PCDHGB7: variants seen among roughly 807,000 people sequenced by gnomAD.
PCDHGB7 encodes the protein protocadherin gamma-B7.
Under a neutral mutation model 61.4 loss-of-function variants are expected in PCDHGB7, and 37 were observed. The ratio of observed to expected loss-of-function variants is 0.60; its 90% CI spans 0.46 to 0.79. The LOEUF is 0.79. Among genes scored for constraint, PCDHGB7 ranks in the 30% least tolerant of loss-of-function variants. The probability of loss-of-function intolerance (pLI) is 0.00; values close to 1 mark genes in which losing one functional copy is unlikely to be tolerated. For synonymous variants in PCDHGB7, 464 were observed against 503.5 expected, an observed-to-expected ratio of 0.92 and a Z score of 1.05; for missense variants, 1,166 against 1,202.5, an observed-to-expected ratio of 0.97 and a Z score of 0.45.
chr5:141,448,639 T>A (rs1248697237), intron 1 of PCDHGB7, among the ~76,000 whole-genome samples: 1 of 152,148 alleles, frequency 6.6e-6, no homozygotes, highest in Admixed American at 6.6e-5. Flanking sequence ...CATTATATCC[T>A]TTAAAAATAT....
intron 1 of PCDHGB7, chr5:141,422,118 ACAAACTGGAGAAGTT>A (rs1243312753): frequency 6.2e-7 from 1 of 1,604,312 alleles, no homozygotes; most frequent in Non-Finnish European, 8.5e-7. Flanking sequence ...AATTGGATTC[ACAAACTGGAGAAGTT>A]CAAGTACGGG....
intron 1 of PCDHGB7, among the ~76,000 whole-genome samples, chr5:141,439,459 A>ACTG (rs1234039449): frequency 6.6e-6 from 1 of 152,222 alleles, no homozygotes; most frequent in Non-Finnish European, 1.5e-5. Flanking sequence ...GCAAGACTGC[A>ACTG]CTGCTGCCTT....
rs2099619316 is a variant in PCDHGB7, at chr5:141,485,794, C to A, written c.2416-9013C>A. The A allele has an allele frequency of 6.2e-7, 1 of 1,614,120 alleles. No homozygotes were observed. The highest frequency in any genetic ancestry group is 1.1e-5 in the South Asian group (1 of 91,092). On this transcript the variant is annotated intron_variant, in intron 1 of 3. Transcript: ENST00000398594. This position sits in a 1 kb window ranked among gnomAD's most constrained non-coding sequence, Gnocchi z 5.7. ...CTTTGGATCGAGAGAAGCAATCGGA[C>A]TACCGCCTGGTGCTGACTGCTGTCG...
chr5:141,511,140 C>T lies in PCDHGB7; in HGVS notation c.2757C>T (p.Asn919=). Reference sequence around the variant, plus strand: ...AGGCCCCAGCAGGTGGCAATGGCAACAAGAAGAAGTCGGGCAAGAAGGAGA... The same window carrying T: ...AGGCCCCAGCAGGTGGCAATGGCAATAAGAAGAAGTCGGGCAAGAAGGAGA... ...DGKAPAGGNG[N]KKKSGKKEKK is the part of the protein sequence containing the mutation. Residue 919 remains asparagine (N), a synonymous_variant, in exon 4 of 4, where the codon AAC becomes AAT. Transcript: ENST00000398594. The T allele has an allele frequency of 1.2e-6, 2 of 1,614,186 alleles. No homozygotes were observed. The highest frequency in any genetic ancestry group is 1.3e-5 in the African/African-American group (1 of 75,050).
At chr5:141,427,901 G>C (rs2097088177) in intron 1 of PCDHGB7, 6 of 1,572,234 alleles carry the variant, frequency 3.8e-6, no homozygotes, top group East Asian at 2.2e-5. Flanking sequence ...GCTCGCCCGC[G>C]CTCAGCGCCA....
chr5:141,456,098 C>T (rs1222639126), intron 1 of PCDHGB7, among the ~76,000 whole-genome samples: 2 of 151,980 alleles, frequency 1.3e-5, no homozygotes, highest in Non-Finnish European at 2.9e-5. Flanking sequence ...GGGATTTCAC[C>T]GTGTTAGCCA....
rs560207463 is a variant in PCDHGB7, at chr5:141,419,043, ATTC to A, written c.1192_1194del (p.Ser398del). 6.2e-5 allele frequency: 100 copies of A among 1,613,840 alleles called. No individual in the cohort carries two copies. Among genetic ancestry groups the A allele is most frequent in the Non-Finnish European group, 8.1e-5 (95 of 1,179,888 alleles). On this transcript the variant is annotated inframe_deletion, in exon 1 of 4. Transcript: ENST00000398594. ...AGTAGAGGTGTTCCATTTAAGATTCATTCTTCTTCTAATAATTACTACAAGCTA... is the reference window on the plus strand; with the variant it reads ...AGTAGAGGTGTTCCATTTAAGATTCATTCTTCTAATAATTACTACAAGCTA...
chr5:141,441,057 A>T (rs2098222263), intron 1 of PCDHGB7: 2 of 152,152 alleles, frequency 1.3e-5, no homozygotes, highest in South Asian at 4.1e-4. Flanking sequence ...ACTTTTAAAG[A>T]TTTTTAATTT....
intron 1 of PCDHGB7, among the ~76,000 whole-genome samples, chr5:141,460,252 A>T (rs1342135416): frequency 6.6e-6 from 1 of 151,974 alleles, no homozygotes; most frequent in African/African-American, 2.4e-5. Flanking sequence ...AATTTTGATA[A>T]AGCCCAATTT....
chr5:141,432,250 A>T lies in PCDHGB7; in HGVS notation c.2415+11976A>T. ...ATTCCCTGGCTGAGAACACCATCCA[A>T]GGGGCAAGCCTATCGTCCTACGTGT... is the stretch of plus-strand genomic sequence containing the variant. On this transcript the variant is annotated intron_variant, in intron 1 of 3. Transcript: ENST00000398594. This position sits in a 1 kb window ranked among gnomAD's most constrained non-coding sequence, Gnocchi z 6.0. 1 of 1,614,234 alleles carries T rather than the reference A, an allele frequency of 6.2e-7. No homozygotes were observed. Among genetic ancestry groups the T allele is most frequent in the Non-Finnish European group, 8.5e-7 (1 of 1,180,054 alleles).
rs1280923293 is a variant in PCDHGB7 at position 141,478,837 on chromosome 5, G to A, written c.2416-15970G>A. ...AACTAACCAATCTTGCTAAGGGATG[G>A]TTAAGCTAAAACACAAGATCTCAGC... is the stretch of plus-strand genomic sequence containing the variant. On this transcript the variant is annotated intron_variant, in intron 1 of 3. Transcript: ENST00000398594. 3.5e-6 allele frequency: 5 copies of A among 1,428,112 alleles called. No homozygotes were observed. The African/African-American group carries it at 5.8e-5, about 16-fold the overall frequency. The allele number at this position is 1,428,112 out of a possible 1,614,324, so 88.5% of individuals were successfully genotyped here.
chr5:141,476,083 T>C lies in PCDHGB7; in HGVS notation c.2416-18724T>C. 1 of 1,547,886 alleles carries C rather than the reference T, an allele frequency of 6.5e-7. No homozygotes were observed. The highest frequency in any genetic ancestry group is 8.7e-7 in the Non-Finnish European group (1 of 1,153,242). The stretch of plus-strand genomic sequence containing the variant: ...TCTCAGCGAAATCTCAGGGACGATC[T>C]GGACCCCGCTGAGAGGAACTGCTTT... On this transcript the variant is annotated intron_variant, in intron 1 of 3. Coordinates refer to ENST00000398594, the MANE Select transcript of PCDHGB7 (RefSeq NM_018927.4). This position sits in a 1 kb window ranked among gnomAD's most constrained non-coding sequence, Gnocchi z 7.6.
At chr5:141,482,809 T>C (rs1295469639) in intron 1 of PCDHGB7, among the ~76,000 whole-genome samples, 1 of 152,170 alleles carries the variant, frequency 6.6e-6, no homozygotes, top group Non-Finnish European at 1.5e-5. Flanking sequence ...CGGTGGCTCA[T>C]GCCTGTAATC....
intron 1 of PCDHGB7, among the ~76,000 whole-genome samples, chr5:141,434,049 A>G (rs868088310): frequency 2.0e-5 from 3 of 152,116 alleles, no homozygotes; most frequent in Non-Finnish European, 2.9e-5. Flanking sequence ...ATTTTATTCA[A>G]TGGCCTGTAA....
intron 2 of PCDHGB7, among the ~76,000 whole-genome samples, chr5:141,502,404 C>G (rs1270930372): frequency 6.6e-6 from 1 of 151,880 alleles, no homozygotes; most frequent in African/African-American, 2.4e-5. Context: ...TGTCCCCGAA[C>G]CTGGATTTGC....
At chr5:141,422,592 C>T (rs2096658264) in intron 1 of PCDHGB7, 1 of 1,614,090 alleles carries the variant, frequency 6.2e-7, no homozygotes. Flanking sequence ...TTTTTCCTCA[C>T]TCCTCTTACT....
chr5:141,431,228 G>C lies in PCDHGB7; in HGVS notation c.2415+10954G>C, dbSNP rs772199359. The stretch of plus-strand genomic sequence containing the variant: ...TGAGATGCGGTTCCCTCTACCCCAC[G>C]CCTGGGATCCGGATATCGGGAAGAA... On this transcript the variant is annotated intron_variant, in intron 1 of 3. Coordinates refer to ENST00000398594, the MANE Select transcript of PCDHGB7 (RefSeq NM_018927.4). The surrounding 1 kb of genome is among the most constrained non-coding windows in gnomAD (Gnocchi z 4.8). The C allele has an allele frequency of 1.9e-6, 3 of 1,614,000 alleles. No individual in the cohort carries two copies. The African/African-American group carries it at 4.0e-5, about 22-fold the overall frequency.
intron 1 of PCDHGB7, among the ~76,000 whole-genome samples, chr5:141,466,868 CA>C (rs1343260699): frequency 1.3e-5 from 2 of 152,100 alleles, no homozygotes; most frequent in African/African-American, 2.4e-5. Flanking sequence ...GAAATCCACA[CA>C]TTTTTTTCAT....
rs749095017 is a variant in PCDHGB7, at chr5:141,489,455, G to A, written c.2416-5352G>A. 1 of 1,614,042 alleles carries A rather than the reference G, an allele frequency of 6.2e-7. No homozygotes were observed. ...CTGCAATTGGGCTCTGAGGAGAATGGGCGCTATTTTTCCCTGAGCTTGATG... is the reference window on the plus strand; with the variant it reads ...CTGCAATTGGGCTCTGAGGAGAATGAGCGCTATTTTTCCCTGAGCTTGATG... On this transcript the variant is annotated intron_variant, in intron 1 of 3. Coordinates refer to ENST00000398594, the MANE Select transcript of PCDHGB7 (RefSeq NM_018927.4). This position sits in a 1 kb window ranked among gnomAD's most constrained non-coding sequence, Gnocchi z 4.5.
Sources: allele counts gnomAD v4.1 joint callset (sites outside exome capture counted in the v4.1 genomes callset), GRCh38; gene constraint gnomAD v4.1.1; non-coding constraint Gnocchi (gnomAD v3.1); transcripts MANE v1.5; gene names NCBI Gene and HGNC (gene_info 2026-07-23, HGNC 2026-07-21).